Variants in CCDC102B observed in about 807,000 individuals in gnomAD.
CCDC102B encodes coiled-coil domain-containing protein 102B.
A neutral mutation model predicts 57.4 loss-of-function variants in CCDC102B; 75 were observed. The ratio of observed to expected loss-of-function variants is 1.31; its 90% CI spans 1.08 to 1.58. The LOEUF is 1.58. Among genes scored for constraint, CCDC102B ranks in the 40% most tolerant of loss-of-function variants. CCDC102B has a pLI of 0.00. For synonymous variants in CCDC102B, 206 were observed against 201.9 expected, an observed-to-expected ratio of 1.02 and a Z score of -0.17; for missense variants, 636 against 582.6, an observed-to-expected ratio of 1.09 and a Z score of -0.94.
At chr18:68,812,195 G>A (rs1388165541) in intron 1 of CCDC102B, among the ~76,000 whole-genome samples, 1 of 151,680 alleles carries the variant, frequency 6.6e-6, no homozygotes, top group Non-Finnish European at 1.5e-5. Flanking sequence ...CCCTTAGGAG[G>A]ATTAACCATT....
chr18:68,745,459 A>AT (rs5825871), intron 2 of CCDC102B, among the ~76,000 whole-genome samples: 82,001 of 151,840 alleles, frequency 0.54, 23,230 homozygotes, highest in Non-Finnish European at 0.63. Flanking sequence ...TAAAAAATTA[A>AT]TTTTTTTAAT....
chr18:68,778,553 TGAAC>T (rs1282232460), intron 2 of CCDC102B, among the ~76,000 whole-genome samples: 1 of 152,070 alleles, frequency 6.6e-6, no homozygotes, highest in East Asian at 1.9e-4. Context: ...AAATAAGTAG[TGAAC>T]AAACAAAGAC....
intron 2 of CCDC102B, among the ~76,000 whole-genome samples, chr18:68,742,799 A>G (rs537580936): frequency 6.6e-6 from 1 of 152,292 alleles, no homozygotes; most frequent in Non-Finnish European, 1.5e-5. Context: ...TTTGTTTTCT[A>G]AATGTGCTGG....
chr18:68,939,170 A>G (rs2049318064), intron 6 of CCDC102B, among the ~76,000 whole-genome samples: 3 of 151,806 alleles, frequency 2.0e-5, no homozygotes, highest in Non-Finnish European at 4.4e-5. Flanking sequence ...TGAATACTAA[A>G]CAGTGTAAGT....
chr18:68,722,982 C>T (rs2032422118), intron 2 of CCDC102B, among the ~76,000 whole-genome samples: 1 of 148,002 alleles, frequency 6.8e-6, no homozygotes, highest in African/African-American at 2.5e-5. Context: ...TCTCACACAG[C>T]TGTGAAGAAA....
chr18:68,831,485 T>C (rs985464257), intron 1 of CCDC102B, among the ~76,000 whole-genome samples: 4 of 152,172 alleles, frequency 2.6e-5, no homozygotes, highest in African/African-American at 9.6e-5. Flanking sequence ...AAACTTTGTG[T>C]TTATGCTCAT....
chr18:68,765,370 A>G (rs1399539711), intron 2 of CCDC102B, among the ~76,000 whole-genome samples: 1 of 146,868 alleles, frequency 6.8e-6, no homozygotes, highest in Non-Finnish European at 1.5e-5. Context: ...AGAAAGAAAG[A>G]AAGAAAGAAA....
intron 7 of CCDC102B, among the ~76,000 whole-genome samples, chr18:69,047,039 A>G (rs963772442): frequency 1.3e-5 from 2 of 152,132 alleles, no homozygotes; most frequent in Non-Finnish European, 2.9e-5. Flanking sequence ...TGATGCCTCC[A>G]GCTTTGTTAT....
intron 7 of CCDC102B, among the ~76,000 whole-genome samples, chr18:69,046,317 A>T (rs2052566034): frequency 6.6e-6 from 1 of 152,070 alleles, no homozygotes. Flanking sequence ...ATGGTATCTC[A>T]TTGTGGTTTT....
intron 6 of CCDC102B, among the ~76,000 whole-genome samples, chr18:68,990,981 C>A (rs1377194850): frequency 1.3e-5 from 2 of 152,072 alleles, no homozygotes; most frequent in Non-Finnish European, 2.9e-5. Context: ...TTACTGTATT[C>A]CGTCTATTGT....
chr18:68,857,498 T>C (rs1384188832), intron 4 of CCDC102B, among the ~76,000 whole-genome samples: 1 of 146,776 alleles, frequency 6.8e-6, no homozygotes, highest in Non-Finnish European at 1.5e-5. Context: ...TTTTTGCATA[T>C]ACATTTTTGC....
chr18:68,755,834 AT>A (rs1306913067), intron 2 of CCDC102B, among the ~76,000 whole-genome samples: 1 of 151,516 alleles, frequency 6.6e-6, no homozygotes, highest in African/African-American at 2.4e-5. Flanking sequence ...CAATAAAATA[AT>A]TTTATAAATT....
At chr18:68,855,248 T>A (rs565241799) in intron 4 of CCDC102B, among the ~76,000 whole-genome samples, 1 of 152,270 alleles carries the variant, frequency 6.6e-6, no homozygotes, top group South Asian at 2.1e-4. Context: ...TTATGAAATA[T>A]GTAAAGAGGT....
chr18:68,941,680 C>T (rs772953627), intron 6 of CCDC102B, among the ~76,000 whole-genome samples: 8 of 151,944 alleles, frequency 5.3e-5, no homozygotes, highest in South Asian at 2.1e-4. Context: ...TATTCAGTAG[C>T]GAGGATATAT....
chr18:68,808,577 A>T (rs1376556818), intron 1 of CCDC102B, among the ~76,000 whole-genome samples: 5 of 142,116 alleles, frequency 3.5e-5, no homozygotes, highest in Non-Finnish European at 7.5e-5. Context: ...TCCTGGGTTC[A>T]CGCCATTCTC....
At chr18:69,030,123 G>A (rs2052099767) in intron 7 of CCDC102B, among the ~76,000 whole-genome samples, 1 of 152,076 alleles carries the variant, frequency 6.6e-6, no homozygotes, top group South Asian at 2.1e-4. Context: ...ATTCAAAATA[G>A]CCTAACAGTG....
chr18:68,777,347 C>G (rs2034857069), intron 2 of CCDC102B, among the ~76,000 whole-genome samples: 1 of 152,026 alleles, frequency 6.6e-6, no homozygotes, highest in African/African-American at 2.4e-5. Flanking sequence ...TGTTGGAGTC[C>G]CACATTGTCA....
chr18:68,857,867 T>A (rs894332844), intron 4 of CCDC102B, among the ~76,000 whole-genome samples: 18 of 152,300 alleles, frequency 1.2e-4, no homozygotes, highest in Admixed American at 2.0e-4. Flanking sequence ...CTGTGCACAA[T>A]TTTTCAGTAA....
At chr18:68,948,368 G>A (rs1032130926) in intron 6 of CCDC102B, among the ~76,000 whole-genome samples, 1 of 151,922 alleles carries the variant, frequency 6.6e-6, no homozygotes, top group Non-Finnish European at 1.5e-5. Flanking sequence ...GACTCTAGAA[G>A]GTTTATTGCT....
Sources: gnomAD v4.1 joint callset for allele counts (sites outside exome capture counted in the v4.1 genomes callset) on GRCh38, gnomAD v4.1.1 for gene constraint, MANE v1.5 for transcripts, NCBI Gene and HGNC (gene_info 2026-07-23, HGNC 2026-07-21) for gene names.